The following IGF2BP3 variants were observed in gnomAD, a reference collection of about 807,000 sequenced individuals.
The protein encoded by IGF2BP3 is insulin like growth factor 2 mRNA binding protein 3.
Under a neutral mutation model 73.8 loss-of-function variants are expected in IGF2BP3, and 9 were observed. That is an observed-to-expected ratio of 0.12 (90% confidence interval 0.07 to 0.21). The LOEUF (loss-of-function observed/expected upper bound fraction) is 0.21. IGF2BP3 is among the 10% of genes least tolerant of loss of function. The pLI is 1.00. For missense variants in IGF2BP3, 542 were observed against 714.0 expected (o/e 0.76, Z 2.75); for synonymous variants, 258 against 256.7 (o/e 1.01, Z -0.05).
intron 2 of IGF2BP3, among the ~76,000 whole-genome samples, chr7:23,449,816 C>T (rs1327932885): frequency 6.6e-6 from 1 of 152,026 alleles, no homozygotes; most frequent in Non-Finnish European, 1.5e-5. Context: ...ATGTGGCTAC[C>T]TCAGCCTCCC....
chr7:23,313,045 T>TA (rs1450482726), intron 13 of IGF2BP3, among the ~76,000 whole-genome samples, 197 bp from the exon 14 acceptor site: 1 of 152,216 alleles, frequency 6.6e-6, no homozygotes, highest in Non-Finnish European at 1.5e-5. Context: ...TTTGTCCAGT[T>TA]ATACAAGTGA....
At chr7:23,361,887 G>A (rs1409263518) in intron 3 of IGF2BP3, 146 bp from the exon 4 acceptor site, 1 of 631,382 alleles carries the variant, frequency 1.6e-6, no homozygotes, top group Non-Finnish European at 2.7e-6. Flanking sequence ...ACTAAGGGAT[G>A]GATACCACAA....
chr7:23,323,720 C>A (rs1784219541), intron 10 of IGF2BP3, among the ~76,000 whole-genome samples: 2 of 152,192 alleles, frequency 1.3e-5, no homozygotes, highest in South Asian at 4.1e-4. Context: ...AACAAACTAT[C>A]TCTCTGACCA....
chr7:23,319,143 T>G lies in IGF2BP3; in HGVS notation c.1315A>C (p.Ile439Leu). 1 of 1,607,718 alleles carries G rather than the reference T, an allele frequency of 6.2e-7. No individual in the cohort carries two copies. The highest frequency in any genetic ancestry group is 8.5e-7 in the Non-Finnish European group (1 of 1,174,786). The change falls in exon 11 of 15, where the codon ATT becomes CTT. Residue 439 changes from isoleucine (I) to leucine (L), a missense_variant. Physicochemically the swap from Ile to Leu is conservative, Grantham distance 5. This residue lies in a region of IGF2BP3 where 303 missense variants were observed against 472.1 expected (regional missense o/e 0.64). Transcript: ENST00000258729. ...KQLSRFAGASIKIAPAEAPDA... is the reference protein window; with the variant it reads ...KQLSRFAGASLKIAPAEAPDA... ...CACAGCTGGTAGAACAGTACCTTAA[T>G]TGAAGCTCCAGCAAAGCGAGAAAGC...
chr7:23,330,659 G>C (rs1445166345), intron 10 of IGF2BP3, among the ~76,000 whole-genome samples: 1 of 152,180 alleles, frequency 6.6e-6, no homozygotes, highest in African/African-American at 2.4e-5. Context: ...GGCCGGGCTG[G>C]TCTTGAACTC....
chr7:23,366,952 A>G (rs1785390732), intron 3 of IGF2BP3, among the ~76,000 whole-genome samples: 2 of 151,788 alleles, frequency 1.3e-5, no homozygotes, highest in South Asian at 4.2e-4. Context: ...CTCAAAGAAT[A>G]AATACAACTT....
intron 3 of IGF2BP3, among the ~76,000 whole-genome samples, chr7:23,384,735 A>T (rs1786028343): frequency 6.6e-6 from 1 of 152,132 alleles, no homozygotes; most frequent in Non-Finnish European, 1.5e-5. Flanking sequence ...TACAAAAAAT[A>T]CAAAAATTAG....
chr7:23,323,632 A>G (rs938360803), intron 10 of IGF2BP3, among the ~76,000 whole-genome samples: 10 of 151,858 alleles, frequency 6.6e-5, no homozygotes, highest in African/African-American at 2.4e-4. Flanking sequence ...TTTCAGCACC[A>G]CACCACACCT....
chr7:23,460,058 G>A (rs1388059180), intron 2 of IGF2BP3, among the ~76,000 whole-genome samples: 9 of 148,876 alleles, frequency 6.0e-5, no homozygotes, highest in Non-Finnish European at 1.2e-4. Context: ...GCAAGACATC[G>A]TCTCTACTAA....
intron 2 of IGF2BP3, among the ~76,000 whole-genome samples, chr7:23,457,516 C>T (rs1297619943): frequency 3.3e-5 from 5 of 152,028 alleles, no homozygotes; most frequent in Admixed American, 1.3e-4. Context: ...ATGGCATACA[C>T]GTAGGTACAC....
intron 2 of IGF2BP3, chr7:23,431,314 G>A (rs1367801874): frequency 6.6e-6 from 1 of 152,134 alleles, no homozygotes; most frequent in East Asian, 1.9e-4. Context: ...GAACCAAGAG[G>A]AAAACAATTC....
At chr7:23,415,488 T>TC (rs1401646309) in intron 3 of IGF2BP3, 1 of 171,594 alleles carries the variant, frequency 5.8e-6, no homozygotes, top group African/African-American at 3.1e-5. Flanking sequence ...CATCCGCAGG[T>TC]CCCCCTCCGT....
intron 3 of IGF2BP3, chr7:23,394,613 C>T (rs935383206): frequency 1.3e-5 from 2 of 152,168 alleles, no homozygotes. Flanking sequence ...CCTTAAACTC[C>T]GTAGCAGACA....
Position 23,312,188 on chromosome 7 carries a change from A to G in IGF2BP3, c.*174T>C, listed in dbSNP as rs1321691636. ...GGTGTCATACATTTCAGAGAGCATAAAGTATACATTCTCACAGAGACAGGA... is the reference window on the plus strand; with the variant it reads ...GGTGTCATACATTTCAGAGAGCATAGAGTATACATTCTCACAGAGACAGGA... On this transcript the variant is annotated 3_prime_UTR_variant, in exon 15 of 15. Coordinates refer to ENST00000258729, the MANE Select transcript of IGF2BP3 (RefSeq NM_006547.3). 1 of 591,284 alleles carries G rather than the reference A, an allele frequency of 1.7e-6. No individual in the cohort carries two copies. The highest frequency in any genetic ancestry group is 3.0e-6 in the Non-Finnish European group (1 of 329,634). The allele number at this position is 591,284 out of a possible 1,614,324, so 36.6% of individuals were successfully genotyped here. A position where few individuals can be genotyped will look rare whatever the true frequency, so the allele number is the denominator to read the frequency against.
intron 10 of IGF2BP3, among the ~76,000 whole-genome samples, chr7:23,336,212 T>G (rs958066015): frequency 6.6e-6 from 1 of 152,128 alleles, no homozygotes. Context: ...ATTTGAAACA[T>G]TTAGCCATCA....
intron 3 of IGF2BP3, among the ~76,000 whole-genome samples, chr7:23,367,446 C>CAAAAAAAAAA (rs778774496): frequency 2.2e-5 from 3 of 133,550 alleles, no homozygotes; most frequent in Admixed American, 1.5e-4. Flanking sequence ...TCTTAAAGGC[C>CAAAAAAAAAA]AAAAAAAAAA....
At chr7:23,321,419 C>T (rs568856258) in intron 10 of IGF2BP3, among the ~76,000 whole-genome samples, 13 of 152,194 alleles carry the variant, frequency 8.5e-5, no homozygotes, top group East Asian at 1.9e-4. Flanking sequence ...CTCGGAGGGT[C>T]GTACGCCCAC....
intron 3 of IGF2BP3, among the ~76,000 whole-genome samples, chr7:23,394,262 T>G (rs969785355): frequency 4.6e-5 from 7 of 151,910 alleles, no homozygotes; most frequent in Admixed American, 6.6e-5. Flanking sequence ...AGCCCAGGAG[T>G]TGGAGACCGG....
intron 2 of IGF2BP3, among the ~76,000 whole-genome samples, chr7:23,446,820 C>T (rs112477739): frequency 0.01 from 1,596 of 152,216 alleles, 11 homozygotes; most frequent in South Asian, 0.03. Context: ...AAGTTACCAC[C>T]ACTACTGAAA....
Sources: gnomAD v4.1 joint callset for allele counts (sites outside exome capture counted in the v4.1 genomes callset) on GRCh38, gnomAD v4.1.1 for gene constraint, gnomAD v4.1.1 regional missense constraint, MANE v1.5 for transcripts, NCBI Gene and HGNC (gene_info 2026-07-23, HGNC 2026-07-21) for gene names.